Variants in AHSG observed in about 807,000 individuals in gnomAD.
AHSG encodes the protein alpha-2-HS-glycoprotein.
A neutral mutation model predicts 30.1 loss-of-function variants in AHSG; 23 were observed. That is an observed-to-expected ratio of 0.76 (90% CI 0.55 to 1.08). The LOEUF is 1.08. AHSG is among the 50% of genes least tolerant of loss of function. The pLI is 0.00. For synonymous variants in AHSG, 164 were observed against 186.3 expected, an observed-to-expected ratio of 0.88 and a Z score of 0.98; for missense variants, 469 against 459.5, an observed-to-expected ratio of 1.02 and a Z score of -0.19.
At chr3:186,614,979 C>A (rs144555704) in intron 1 of AHSG, among the ~76,000 whole-genome samples, 68 of 152,306 alleles carry the variant, frequency 4.5e-4, no homozygotes, top group African/African-American at 1.6e-3. Context: ...TCCCTCGTGT[C>A]TACACTAGTG....
intron 1 of AHSG, among the ~76,000 whole-genome samples, chr3:186,615,335 A>G (rs1370602670): frequency 2.0e-5 from 3 of 152,234 alleles, no homozygotes; most frequent in Non-Finnish European, 4.4e-5. Context: ...TAAAAAATTA[A>G]ATAAATAATA....
intron 6 of AHSG, 29 bp downstream of exon 6, chr3:186,619,969 C>T (rs369319525): frequency 8.4e-6 from 13 of 1,556,102 alleles, no homozygotes; most frequent in Non-Finnish European, 1.1e-5. Context: ...TTCTTGCCTA[C>T]ACCTTCAGAA....
chr3:186,615,576 A>G, intron 1 of AHSG, 109 bp from the exon 2 acceptor site: 1 of 791,852 alleles, frequency 1.3e-6, no homozygotes. Context: ...CATTTCCCTC[A>G]CCTCTCCAAA....
At position 186,613,186 on chromosome 3, in the gene AHSG, C is replaced by A; in HGVS notation, c.45C>A (p.Gly15=). 6.2e-7 allele frequency: 1 copy of A among 1,614,072 alleles called. No individual in the cohort carries two copies. Among genetic ancestry groups the A allele is most frequent in the Non-Finnish European group, 8.5e-7 (1 of 1,179,982 alleles). ...VLLLCLAQLW[G]CHSAPHGPGL... is the part of the protein sequence containing the mutation. ...TCCTTTGTCTTGCTCAGCTCTGGGG[C>A]TGCCACTCAGCCCCACATGGCCCAG... The change falls in exon 1 of 7, where the codon GGC becomes GGA. Residue 15 remains glycine (G), a synonymous_variant. Coordinates refer to ENST00000411641, the MANE Select transcript of AHSG (RefSeq NM_001622.4).
rs1255502310 is a variant in AHSG at position 186,613,284 on chromosome 3, T to C, written c.143T>C (p.Ile48Thr). Residue 48 changes from isoleucine to threonine, a missense_variant, in exon 1 of 7, where the codon ATC becomes ACC. Physicochemically the swap from Ile to Thr is moderately conservative, Grantham distance 89. Coordinates refer to ENST00000411641, the MANE Select transcript of AHSG (RefSeq NM_001622.4). ...GCAGCTCTGGTGGCTATAGACTACATCAATCAAAACCTTCCTTGGGGATAC... is the reference window on the plus strand; with the variant it reads ...GCAGCTCTGGTGGCTATAGACTACACCAATCAAAACCTTCCTTGGGGATAC... ...EEAALVAIDYINQNLPWGYKH... is the reference protein window; with the variant it reads ...EEAALVAIDYTNQNLPWGYKH... 6.2e-7 allele frequency: 1 copy of C among 1,614,160 alleles called. No individual in the cohort carries two copies. The highest frequency in any genetic ancestry group is 8.5e-7 in the Non-Finnish European group (1 of 1,180,028).
intron 5 of AHSG, among the ~76,000 whole-genome samples, chr3:186,619,348 A>G (rs192274117): frequency 1.3e-5 from 2 of 152,318 alleles, no homozygotes; most frequent in East Asian, 1.9e-4. Context: ...GACAGAATAT[A>G]TCTATAAAAA....
chr3:186,613,388 T>A (rs769025778), intron 1 of AHSG, 34 bp downstream of exon 1: 2 of 1,566,536 alleles, frequency 1.3e-6, no homozygotes, highest in African/African-American at 1.4e-5. Context: ...GCTGAAATAA[T>A]GTGTACATGG....
At chr3:186,620,047 G>C in intron 6 of AHSG, 107 bp downstream of exon 6, 1 of 733,336 alleles carries the variant, frequency 1.4e-6, no homozygotes, top group Non-Finnish European at 2.2e-6. Context: ...CTGTGCTTCT[G>C]AATCTCACAG....
Position 186,620,983 on chromosome 3 carries a change from T to C in AHSG, c.*53T>C. On this transcript the variant is annotated 3_prime_UTR_variant, in exon 7 of 7. Transcript: ENST00000411641. ...TGGCACAGAAAACATAGCCACCATT[T>C]TGTCCAAGCCTGGGCATGGGTGGGG... 6.4e-7 allele frequency: 1 copy of C among 1,557,760 alleles called. No homozygotes were observed. The highest frequency in any genetic ancestry group is 1.2e-5 in the South Asian group (1 of 84,590).
In AHSG at chr3:186,621,128, C is replaced by A. The variant is rs978414883; in HGVS notation, c.*198C>A. ...CAGAGTGGGTGGTGGTTATGTTTGA[C>A]AGAAGGCATTAGGTTGACAACTTGT... On this transcript the variant is annotated 3_prime_UTR_variant, in exon 7 of 7. Transcript: ENST00000411641. 1.7e-6 allele frequency: 1 copy of A among 590,450 alleles called. No homozygotes were observed. Among genetic ancestry groups the A allele is most frequent in the African/African-American group, 1.9e-5 (1 of 53,938 alleles). 36.6% of individuals were successfully genotyped at this position (590,450 alleles called of 1,614,324 possible). A position where few individuals can be genotyped will look rare whatever the true frequency, so the allele number is the denominator to read the frequency against.
chr3:186,614,938 C>G (rs111276879), intron 1 of AHSG, among the ~76,000 whole-genome samples: 2,245 of 152,268 alleles, frequency 0.015, 56 homozygotes, highest in African/African-American at 0.051. Context: ...CAGGTGAACT[C>G]ACAAGAATAT....
chr3:186,620,364 C>T (rs146680153), intron 6 of AHSG, among the ~76,000 whole-genome samples: 1 of 152,294 alleles, frequency 6.6e-6, no homozygotes, highest in Non-Finnish European at 1.5e-5. Flanking sequence ...TCCACCATCA[C>T]AAAGACAATC....
At chr3:186,615,862 T>C in intron 2 of AHSG, 67 bp downstream of exon 2, 1 of 1,416,304 alleles carries the variant, frequency 7.1e-7, no homozygotes. Flanking sequence ...ACCCAGCGTC[T>C]CAGCCTGCCT....
chr3:186,613,584 G>GA (rs780521949), intron 1 of AHSG, among the ~76,000 whole-genome samples: 4 of 152,114 alleles, frequency 2.6e-5, no homozygotes, highest in Non-Finnish European at 5.9e-5. Context: ...GTGTGCAGGA[G>GA]AAAAAGTGCT....
chr3:186,621,009 G>A lies in AHSG; in HGVS notation c.*79G>A. The A allele has an allele frequency of 1.4e-6, 2 of 1,411,072 alleles. No individual in the cohort carries two copies. The highest frequency in any genetic ancestry group is 1.9e-6 in the Non-Finnish European group (2 of 1,032,304). The allele number at this position is 1,411,072 out of a possible 1,614,324, so 87.4% of individuals were successfully genotyped here. A position where few individuals can be genotyped will look rare whatever the true frequency, so the allele number is the denominator to read the frequency against. On this transcript the variant is annotated 3_prime_UTR_variant, in exon 7 of 7. Transcript: ENST00000411641. ...TGTCCAAGCCTGGGCATGGGTGGGG[G>A]GCCTTGTCTGCTGGCCACGCAAGTG... is the stretch of plus-strand genomic sequence containing the variant.
intron 4 of AHSG, chr3:186,617,599 C>T (rs1716350120): frequency 3.1e-6 from 2 of 636,582 alleles, no homozygotes; most frequent in Non-Finnish European, 5.3e-6. Flanking sequence ...CCACAGCTGC[C>T]GGCAGGTACA....
At position 186,619,980 on chromosome 3, in the gene AHSG, T is replaced by A. The variant is rs199746616; in HGVS notation, c.759+40T>A. The A allele has an allele frequency of 1.9e-5, 28 of 1,486,164 alleles. No homozygotes were observed. In the Admixed American group the frequency reaches 4.9e-4, roughly 26 times the overall value. 92.1% of individuals were successfully genotyped at this position (1,486,164 alleles called of 1,614,324 possible). The stretch of plus-strand genomic sequence containing the variant: ...AATATTCTTGCCTACACCTTCAGAA[T>A]ACAATGACCCCTTCACATTTATGCA... On this transcript the variant is annotated intron_variant, in intron 6 of 6. Coordinates refer to ENST00000411641, the MANE Select transcript of AHSG (RefSeq NM_001622.4).
intron 1 of AHSG, among the ~76,000 whole-genome samples, 155 bp downstream of exon 1, chr3:186,613,509 A>C (rs565279395): frequency 1.2e-3 from 183 of 152,222 alleles, no homozygotes; most frequent in South Asian, 3.1e-3. Context: ...GGCAGAGGGC[A>C]GGAGAGGAGA....
rs77385737 is a variant in AHSG, at chr3:186,620,845, G to A, written c.1019G>A (p.Arg340His). 1,409 of 1,614,170 alleles carry A rather than the reference G, an allele frequency of 8.7e-4. 10 individuals are homozygous for A. In the African/African-American group the frequency reaches 0.015, roughly 17 times the overall value. ...GAAGTGTCGCACCCCCGGAAAACAC[G>A]CACAGTGGTGCAGCCTAGTGTTGGT... ...SGEVSHPRKTRTVVQPSVGAA... is the reference protein window; with the variant it reads ...SGEVSHPRKTHTVVQPSVGAA... Residue 340 changes from arginine (R) to histidine (H), a missense_variant, in exon 7 of 7, where the codon CGC becomes CAC. Transcript: ENST00000411641.
Sources: gnomAD v4.1 joint callset for allele counts (sites outside exome capture counted in the v4.1 genomes callset) on GRCh38, gnomAD v4.1.1 for gene constraint, MANE v1.5 for transcripts, NCBI Gene and HGNC (gene_info 2026-07-23, HGNC 2026-07-21) for gene names.